The following CARNMT1 variants were observed in gnomAD, a reference collection of about 807,000 sequenced individuals.
The protein encoded by CARNMT1 is protein-L-histidine N-pros-methyltransferase CARNMT1.
In CARNMT1, 28 loss-of-function variants were observed where a neutral mutation model predicts 49.6. The ratio of observed to expected loss-of-function variants is 0.56; its 90% CI spans 0.42 to 0.77. CARNMT1 has a LOEUF of 0.77. Among genes scored for constraint, CARNMT1 ranks in the 30% least tolerant of loss-of-function variants. The pLI, the probability that CARNMT1 is intolerant of heterozygous loss-of-function variation, is 0.00. For synonymous variants in CARNMT1, 178 were observed against 175.0 expected, an observed-to-expected ratio of 1.02 and a Z score of -0.13; for missense variants, 421 against 512.6, an observed-to-expected ratio of 0.82 and a Z score of 1.73.
At chr9:74,996,604 G>T in intron 5 of CARNMT1, 44 bp from the exon 6 acceptor site, 4 of 1,172,340 alleles carry the variant, frequency 3.4e-6, no homozygotes, top group Non-Finnish European at 4.9e-6. Context: ...ATGTTATTTT[G>T]CTTTTTTCTT....
intron 3 of CARNMT1, chr9:75,015,813 A>G (rs547537150): frequency 1.3e-5 from 2 of 150,132 alleles, no homozygotes; most frequent in African/African-American, 4.9e-5. Flanking sequence ...TAAATAAATA[A>G]ATAAAATAAA....
intron 1 of CARNMT1, among the ~76,000 whole-genome samples, chr9:75,024,310 C>T (rs532362931): frequency 6.5e-4 from 99 of 152,136 alleles, no homozygotes; most frequent in Middle Eastern, 3.2e-3. Flanking sequence ...TTTTAGGTAA[C>T]GATTTTGGAT....
intron 6 of CARNMT1, among the ~76,000 whole-genome samples, chr9:74,993,190 T>C (rs1833081398): frequency 6.6e-6 from 1 of 152,170 alleles, no homozygotes; most frequent in Non-Finnish European, 1.5e-5. Context: ...TGGGTGCTAA[T>C]ACCAAACTGA....
chr9:75,014,421 A>T (rs1285914783), intron 3 of CARNMT1, among the ~76,000 whole-genome samples: 2 of 152,234 alleles, frequency 1.3e-5, no homozygotes, highest in Admixed American at 6.5e-5. Context: ...ATTAAGAGTT[A>T]TCAGTATGAA....
At chr9:75,003,586 A>C (rs1039281956) in intron 3 of CARNMT1, among the ~76,000 whole-genome samples, 1 of 152,266 alleles carries the variant, frequency 6.6e-6, no homozygotes, top group Non-Finnish European at 1.5e-5. Flanking sequence ...AATACCCCTG[A>C]ATCTCCTTCA....
At chr9:74,987,487 A>G (rs1587652216) in intron 6 of CARNMT1, among the ~76,000 whole-genome samples, 1 of 152,344 alleles carries the variant, frequency 6.6e-6, no homozygotes, top group East Asian at 1.9e-4. Context: ...CAACAAAATG[A>G]TGAATCTCAA....
At chr9:75,021,037 C>T (rs1822333054) in intron 1 of CARNMT1, among the ~76,000 whole-genome samples, 1 of 151,948 alleles carries the variant, frequency 6.6e-6, no homozygotes, top group Non-Finnish European at 1.5e-5. Flanking sequence ...ATACCAGGGA[C>T]TAAACCAAGT....
intron 1 of CARNMT1, among the ~76,000 whole-genome samples, chr9:75,023,047 C>G (rs894360548): frequency 2.0e-5 from 3 of 149,740 alleles, no homozygotes; most frequent in Non-Finnish European, 4.4e-5. Flanking sequence ...GAGGCTGAGG[C>G]AGGAGAATCG....
chr9:74,992,252 A>C (rs548414514), intron 6 of CARNMT1, among the ~76,000 whole-genome samples: 4 of 152,072 alleles, frequency 2.6e-5, no homozygotes, highest in African/African-American at 9.6e-5. Flanking sequence ...AGCCTGGGTG[A>C]CAGAGTGAGA....
chr9:75,012,209 A>G (rs1833708969), intron 3 of CARNMT1, among the ~76,000 whole-genome samples: 1 of 151,990 alleles, frequency 6.6e-6, no homozygotes, highest in Non-Finnish European at 1.5e-5. Flanking sequence ...AATATCACTT[A>G]TATCTGAGCT....
Position 75,016,304 on chromosome 9 carries a change from A to T in CARNMT1, c.554T>A (p.Ile185Asn). 6.2e-7 allele frequency: 1 copy of T among 1,613,472 alleles called. No homozygotes were observed. The highest frequency in any genetic ancestry group is 8.5e-7 in the Non-Finnish European group (1 of 1,179,892). Reference protein sequence around the residue: ...AERDACYQPIIKEILKNFPKE... With the variant: ...AERDACYQPINKEILKNFPKE... ...TGGAAAATTTTTTAAAATTTCTTTA[A>T]TGATTGGCTGGTAACAGGCATCCCT... The change falls in exon 3 of 8, where the codon ATT (isoleucine) becomes AAT (asparagine). Residue 185 changes from isoleucine (I) to asparagine (N), a missense_variant. Around this residue, in one of 2 missense-constraint regions of CARNMT1, gnomAD observed 235 missense variants for 344.8 expected, o/e 0.68. Transcript: ENST00000376834.
Position 75,028,284 on chromosome 9 carries a change from G to T in CARNMT1, c.-43C>A. On this transcript the variant is annotated 5_prime_UTR_variant, in exon 1 of 8. Transcript: ENST00000376834. ...GCCTGGCTCGCTTGCGTCTCTCCGC[G>T]ACCGACAGCGTGGTGGCGGCTGCTT... 1 of 1,342,514 alleles carries T rather than the reference G, an allele frequency of 7.4e-7. No individual in the cohort carries two copies. Among genetic ancestry groups the T allele is most frequent in the Non-Finnish European group, 9.5e-7 (1 of 1,051,886 alleles). 83.2% of individuals were successfully genotyped at this position (1,342,514 alleles called of 1,614,324 possible). A position where few individuals can be genotyped will look rare whatever the true frequency, so the allele number is the denominator to read the frequency against.
At chr9:75,027,238 C>T (rs1822557331) in intron 1 of CARNMT1, 5 of 938,270 alleles carry the variant, frequency 5.3e-6, no homozygotes, top group Non-Finnish European at 7.3e-6. Flanking sequence ...CTAGAAGAAA[C>T]GTGGAAGTTA....
In CARNMT1 at chr9:74,983,893, T is replaced by C. The variant is rs150086282; in HGVS notation, c.1129-25A>G. 3.9e-6 allele frequency: 6 copies of C among 1,523,310 alleles called. No homozygotes were observed. In the African/African-American group the frequency reaches 5.5e-5, roughly 14 times the overall value. The allele number at this position is 1,523,310 out of a possible 1,614,324, so 94.4% of individuals were successfully genotyped here. On this transcript the variant is annotated intron_variant, in intron 7 of 7. Coordinates refer to ENST00000376834, the MANE Select transcript of CARNMT1 (RefSeq NM_152420.3). Reference sequence around the variant, plus strand: ...CCTGCAATGCAAACAATAATCATAATACTATGACAGTCATCATGACCACAC... The same window carrying C: ...CCTGCAATGCAAACAATAATCATAACACTATGACAGTCATCATGACCACAC...
chr9:75,005,307 AG>A (rs1321750146), intron 3 of CARNMT1, among the ~76,000 whole-genome samples: 3 of 139,690 alleles, frequency 2.1e-5, no homozygotes, highest in South Asian at 2.2e-4. Flanking sequence ...TCTATACAAA[AG>A]CAAGTCGATC....
At chr9:74,991,620 G>C (rs958615830) in intron 6 of CARNMT1, 1 of 152,052 alleles carries the variant, frequency 6.6e-6, no homozygotes, top group Non-Finnish European at 1.5e-5. Context: ...ACTTTTTCTA[G>C]AGAATTAAAC....
intron 3 of CARNMT1, among the ~76,000 whole-genome samples, chr9:75,001,320 TAAC>T (rs1423841015): frequency 2.0e-5 from 3 of 152,198 alleles, no homozygotes; most frequent in African/African-American, 4.8e-5. Flanking sequence ...GACATAATGT[TAAC>T]AACAATTATT....
intron 1 of CARNMT1, among the ~76,000 whole-genome samples, chr9:75,022,443 T>C (rs1822398564): frequency 6.6e-6 from 1 of 152,154 alleles, no homozygotes; most frequent in East Asian, 1.9e-4. Flanking sequence ...AGGCTGATCT[T>C]GAACTCCTGA....
rs993643351 is a variant in CARNMT1 at position 74,982,089 on chromosome 9, T to C, written c.*1678A>G. 2.0e-5 allele frequency: 3 copies of C among 150,874 alleles called. 1 individual carries two copies. Among genetic ancestry groups the C allele is most frequent in the African/African-American group, 7.3e-5 (3 of 41,150 alleles). 9.3% of individuals were successfully genotyped at this position (150,874 alleles called of 1,614,324 possible). A position where few individuals can be genotyped will look rare whatever the true frequency, so the allele number is the denominator to read the frequency against. ...GTCAGATTAACTACATGAAACCCTCTATTGCATAGTGAGAGTAAAGGTCAC... is the reference window on the plus strand; with the variant it reads ...GTCAGATTAACTACATGAAACCCTCCATTGCATAGTGAGAGTAAAGGTCAC... On this transcript the variant is annotated 3_prime_UTR_variant, in exon 8 of 8. Transcript: ENST00000376834.
Sources: allele counts gnomAD v4.1 joint callset (sites outside exome capture counted in the v4.1 genomes callset), GRCh38; gene constraint gnomAD v4.1.1; regional missense constraint gnomAD v4.1.1; transcripts MANE v1.5; gene names NCBI Gene and HGNC (gene_info 2026-07-23, HGNC 2026-07-21).